GABRG3: variants seen among roughly 807,000 people sequenced by gnomAD.
The protein encoded by GABRG3 is gamma-aminobutyric acid receptor subunit gamma-3.
In GABRG3, 25 loss-of-function variants were observed where a neutral mutation model predicts 48.8. The ratio of observed to expected loss-of-function variants is 0.51; its 90% CI spans 0.37 to 0.72. The LOEUF (loss-of-function observed/expected upper bound fraction) is 0.72, where lower values mean the gene tolerates loss of function less well. Ranked by LOEUF, GABRG3 falls within the 30% of genes least tolerant of loss-of-function variation. The pLI, the probability that GABRG3 is intolerant of heterozygous loss-of-function variation, is 0.00. For synonymous variants in GABRG3, 227 were observed against 217.6 expected, an observed-to-expected ratio of 1.04 and a Z score of -0.38; for missense variants, 394 against 577.9, an observed-to-expected ratio of 0.68 and a Z score of 3.26.
chr15:27,357,527 T>TATAATAAAAAGCCTAC (rs997708828), intron 5 of GABRG3, among the ~76,000 whole-genome samples: 3 of 152,170 alleles, frequency 2.0e-5, no homozygotes, highest in Non-Finnish European at 4.4e-5. Context: ...TTAATCTAAA[T>TATAATAAAAAGCCTAC]ATAATAAAAA....
At position 27,533,294 on chromosome 15, in the gene GABRG3, G is replaced by A. The variant is rs1891474365; in HGVS notation, c.*413G>A. 5.4e-6 allele frequency: 1 copy of A among 184,974 alleles called. No individual in the cohort carries two copies. The highest frequency in any genetic ancestry group is 5.6e-5 in the Admixed American group (1 of 17,838). The allele number at this position is 184,974 out of a possible 1,614,324, so 11.5% of individuals were successfully genotyped here. ...GCAGCCCTGGGTGTAGTAGCACTCA[G>A]GAGTGTTGAATCACCCCTGGCCGAG... On this transcript the variant is annotated 3_prime_UTR_variant, in exon 10 of 10. Coordinates refer to ENST00000615808, the MANE Select transcript of GABRG3 (RefSeq NM_033223.5).
At chr15:27,502,638 A>G (rs1374573014) in intron 6 of GABRG3, among the ~76,000 whole-genome samples, 1 of 152,206 alleles carries the variant, frequency 6.6e-6, no homozygotes, top group Non-Finnish European at 1.5e-5. Flanking sequence ...ACCAGTCCCA[A>G]GTCTAGGTCT....
At position 26,975,459 on chromosome 15, in the gene GABRG3, A is replaced by G. The variant is rs1210270402; in HGVS notation, c.54-1543A>G. Among the ~76,000 whole-genome samples, 8 of 152,142 alleles carry G rather than the reference A, an allele frequency of 5.3e-5. No homozygotes were observed. The highest frequency in any genetic ancestry group is 1.2e-4 in the Non-Finnish European group (8 of 68,020). On this transcript the variant is annotated intron_variant, in intron 1 of 9. Coordinates refer to ENST00000615808, the MANE Select transcript of GABRG3 (RefSeq NM_033223.5). This position sits in a 1 kb window ranked among gnomAD's most constrained non-coding sequence, Gnocchi z 4.6. The stretch of plus-strand genomic sequence containing the variant: ...ACGTAAGTGGGGAAGTCATTCTTTG[A>G]GACATATGCCGTATACTCATTGTCA...
At chr15:27,409,833 G>GT (rs145911201) in intron 5 of GABRG3, among the ~76,000 whole-genome samples, 138 of 152,184 alleles carry the variant, frequency 9.1e-4, no homozygotes, top group Middle Eastern at 6.8e-3. Context: ...CTAGGAGTTA[G>GT]TTTTTTTACA....
At chr15:27,245,949 G>A (rs904990839) in intron 3 of GABRG3, among the ~76,000 whole-genome samples, 24 of 152,202 alleles carry the variant, frequency 1.6e-4, no homozygotes, top group Non-Finnish European at 5.9e-5. Flanking sequence ...TTCTGGTCAG[G>A]ACCTCAGGAA....
intron 5 of GABRG3, among the ~76,000 whole-genome samples, chr15:27,403,627 ACTC>A (rs1421855791): frequency 4.0e-5 from 6 of 151,738 alleles, no homozygotes; most frequent in Admixed American, 3.3e-4. Flanking sequence ...CTTTTAAAGA[ACTC>A]CTGGCCGGGC....
chr15:27,490,957 C>T (rs1171212701), intron 6 of GABRG3, among the ~76,000 whole-genome samples: 2 of 144,566 alleles, frequency 1.4e-5, no homozygotes, highest in Non-Finnish European at 3.0e-5. Flanking sequence ...TGTCTGTCGT[C>T]GGAGTCATAC....
At chr15:27,122,343 G>A (rs191667339) in intron 3 of GABRG3, among the ~76,000 whole-genome samples, 1 of 152,308 alleles carries the variant, frequency 6.6e-6, no homozygotes, top group Admixed American at 6.5e-5. Flanking sequence ...TATATGCAGT[G>A]TGCCATGGGA....
At chr15:27,191,295 C>T (rs982691401) in intron 3 of GABRG3, among the ~76,000 whole-genome samples, 1 of 152,088 alleles carries the variant, frequency 6.6e-6, no homozygotes, top group Non-Finnish European at 1.5e-5. Context: ...CTTTCTGTCT[C>T]ATTGATCTGT....
chr15:27,504,470 G>A (rs1026431944), intron 6 of GABRG3, among the ~76,000 whole-genome samples: 1 of 152,094 alleles, frequency 6.6e-6, no homozygotes, highest in African/African-American at 2.4e-5. Context: ...CTTTATGTAT[G>A]ATGTAAGAAT....
At position 27,180,683 on chromosome 15, in the gene GABRG3, G is replaced by A. The variant is rs1473870654; in HGVS notation, c.271-146126G>A. Reference sequence around the variant, plus strand: ...TGTGTGTGCACGCGCGCGCACCCCAGGTCAGTTCTAGCAATAATTGAAAAA... The same window carrying A: ...TGTGTGTGCACGCGCGCGCACCCCAAGTCAGTTCTAGCAATAATTGAAAAA... On this transcript the variant is annotated intron_variant, in intron 3 of 9. Coordinates refer to ENST00000615808, the MANE Select transcript of GABRG3 (RefSeq NM_033223.5). The surrounding 1 kb of genome is among the most constrained non-coding windows in gnomAD (Gnocchi z 4.2). Among the ~76,000 whole-genome samples, 1 of 152,032 alleles carries A rather than the reference G, an allele frequency of 6.6e-6. No individual in the cohort carries two copies. The highest frequency in any genetic ancestry group is 1.9e-4 in the East Asian group (1 of 5,188).
intron 3 of GABRG3, among the ~76,000 whole-genome samples, chr15:27,149,449 C>CT (rs11373461): frequency 0.48 from 72,624 of 151,852 alleles, 17,726 homozygotes; most frequent in South Asian, 0.55. Flanking sequence ...CTGTCAAAAT[C>CT]TCAGCCTCCT....
Sources: gnomAD v4.1 joint callset for allele counts (sites outside exome capture counted in the v4.1 genomes callset) on GRCh38, gnomAD v4.1.1 for gene constraint, Gnocchi (gnomAD v3.1) non-coding constraint, MANE v1.5 for transcripts, NCBI Gene and HGNC (gene_info 2026-07-23, HGNC 2026-07-21) for gene names.